FLVCR2: variants seen among roughly 807,000 people sequenced by gnomAD.
The protein encoded by FLVCR2 is choline/ethanolamine transporter FLVCR2.
Under a neutral mutation model 48.9 loss-of-function variants are expected in FLVCR2, and 38 were observed. That is an observed-to-expected ratio of 0.78 (90% CI 0.60 to 1.02). The LOEUF is 1.02. Among genes scored for constraint, FLVCR2 ranks in the 50% least tolerant of loss-of-function variants. The pLI, the probability that FLVCR2 is intolerant of heterozygous loss-of-function variation, is 0.00. For synonymous variants in FLVCR2, 255 were observed against 257.0 expected, an observed-to-expected ratio of 0.99 and a Z score of 0.07; for missense variants, 664 against 663.3, an observed-to-expected ratio of 1.00 and a Z score of -0.01.
intron 6 of FLVCR2, 87 bp from the exon 7 acceptor site, chr14:75,640,868 A>T: frequency 1.1e-6 from 1 of 903,950 alleles, no homozygotes; most frequent in Non-Finnish European, 1.9e-6. Flanking sequence ...CAAAACAGCA[A>T]AGGGAGTCCT....
intron 1 of FLVCR2, chr14:75,605,625 G>A (rs1363430298): frequency 6.5e-7 from 1 of 1,536,062 alleles, no homozygotes; most frequent in East Asian, 2.4e-5. Context: ...GAGACAGGAG[G>A]TGAGGATAGA....
At chr14:75,640,033 G>A (rs1890268264) in intron 6 of FLVCR2, among the ~76,000 whole-genome samples, 1 of 152,136 alleles carries the variant, frequency 6.6e-6, no homozygotes, top group African/African-American at 2.4e-5. Context: ...TCCAAGGCAG[G>A]CAGATCACAA....
intron 1 of FLVCR2, among the ~76,000 whole-genome samples, chr14:75,607,515 A>G (rs1427270423): frequency 1.3e-5 from 2 of 152,158 alleles, no homozygotes; most frequent in African/African-American, 4.8e-5. Flanking sequence ...TTCCATGGGA[A>G]GAGAGCAGGG....
At chr14:75,583,712 G>T (rs962386583) in intron 1 of FLVCR2, among the ~76,000 whole-genome samples, 3 of 152,192 alleles carry the variant, frequency 2.0e-5, no homozygotes, top group Admixed American at 6.5e-5. Flanking sequence ...TGTTGTCCAA[G>T]TTGGCACCAG....
intron 1 of FLVCR2, among the ~76,000 whole-genome samples, chr14:75,610,579 G>C (rs1889416613): frequency 6.6e-6 from 1 of 152,126 alleles, no homozygotes; most frequent in Non-Finnish European, 1.5e-5. Flanking sequence ...CCACAAAGAT[G>C]AGGAGGAAAC....
intron 1 of FLVCR2, among the ~76,000 whole-genome samples, chr14:75,620,667 A>C (rs1177753625): frequency 1.3e-5 from 2 of 152,250 alleles, no homozygotes; most frequent in Non-Finnish European, 2.9e-5. Flanking sequence ...TATCTAGCAG[A>C]GTACGTTTTA....
At chr14:75,587,806 A>G (rs1888787196) in intron 1 of FLVCR2, among the ~76,000 whole-genome samples, 1 of 152,010 alleles carries the variant, frequency 6.6e-6, no homozygotes, top group Non-Finnish European at 1.5e-5. Context: ...TCTAAAAAAG[A>G]TATTCGAGGC....
chr14:75,638,424 C>T (rs560136934), intron 5 of FLVCR2, among the ~76,000 whole-genome samples: 10 of 151,584 alleles, frequency 6.6e-5, no homozygotes, highest in South Asian at 4.2e-4. Context: ...GCGACAAGAG[C>T]GAAACTCCAT....
chr14:75,639,323 T>A, intron 5 of FLVCR2, 29 bp from the exon 6 acceptor site: 1 of 1,405,338 alleles, frequency 7.1e-7, no homozygotes, highest in Non-Finnish European at 1.0e-6. Flanking sequence ...CAGAAGTGTT[T>A]GATTCAATTT....
chr14:75,640,824 A>G, intron 6 of FLVCR2, 131 bp from the exon 7 acceptor site: 1 of 728,316 alleles, frequency 1.4e-6, no homozygotes, highest in Non-Finnish European at 2.5e-6. Flanking sequence ...TGCCCAGATC[A>G]TTAGAGGGCC....
Position 75,578,694 on chromosome 14 carries a change from C to T in FLVCR2, c.-279C>T, listed in dbSNP as rs941652446. The T allele has an allele frequency of 1.5e-5, 8 of 549,894 alleles. No homozygotes were observed. Among genetic ancestry groups the T allele is most frequent in the African/African-American group, 1.3e-4 (7 of 52,622 alleles). The allele number at this position is 549,894 out of a possible 1,614,324, so 34.1% of individuals were successfully genotyped here. ...ACAAGGAACGCCTCGTGGGGAGACC[C>T]AAGGCAGGAGCGGTCCGGAGCCGGC... On this transcript the variant is annotated 5_prime_UTR_variant, in exon 1 of 10. Transcript: ENST00000238667.
chr14:75,608,167 C>A (rs1393651128), intron 1 of FLVCR2, among the ~76,000 whole-genome samples: 1 of 152,204 alleles, frequency 6.6e-6, no homozygotes, highest in Non-Finnish European at 1.5e-5. Context: ...GGGCCATGCC[C>A]TCCATGTAGA....
Position 75,639,393 on chromosome 14 carries a change from T to C in FLVCR2, c.1166T>C (p.Met389Thr), listed in dbSNP as rs1376795690. The C allele has an allele frequency of 1.9e-6, 3 of 1,613,972 alleles. No individual in the cohort carries two copies. The highest frequency in any genetic ancestry group is 2.5e-6 in the Non-Finnish European group (3 of 1,179,926). Residue 389 changes from methionine to threonine, a missense_variant, in exon 6 of 10, where the codon ATG becomes ACG. Transcript: ENST00000238667. ...LVVYIMTLVG[M>T]VVYTFTLNLG... ...GTCTATATCATGACACTGGTGGGCA[T>C]GGTGGTGTACACGTTTACCTTGAAC...
chr14:75,621,871 A>G (rs1221217035), intron 1 of FLVCR2, among the ~76,000 whole-genome samples: 1 of 152,232 alleles, frequency 6.6e-6, no homozygotes, highest in Non-Finnish European at 1.5e-5. Context: ...AGGCATTGAT[A>G]GTGAGGGTGG....
chr14:75,623,728 G>A (rs1889819495), intron 2 of FLVCR2, among the ~76,000 whole-genome samples: 1 of 152,016 alleles, frequency 6.6e-6, no homozygotes. Flanking sequence ...GAGGTCCAGT[G>A]ATTTCAGCCT....
chr14:75,638,646 G>GT (rs1250204669), intron 5 of FLVCR2, among the ~76,000 whole-genome samples: 1 of 152,098 alleles, frequency 6.6e-6, no homozygotes. Context: ...TGTTTGTCCT[G>GT]TTTTTTCTTT....
Position 75,634,955 on chromosome 14 carries a change from G to T in FLVCR2, c.1066G>T (p.Ala356Ser). Reference protein sequence around the residue: ...AGRIGLTIVIAGMLGAVISGI... With the variant: ...AGRIGLTIVISGMLGAVISGI... ...AAGAATTGGCCTGACGATCGTCATT[G>T]CAGGAATGCTTGGGGCTGTGATCTC... The change falls in exon 5 of 10, where the codon GCA (alanine) becomes TCA (serine). Residue 356 changes from alanine (A) to serine (S), a missense_variant. Physicochemically the swap from Ala to Ser is moderately conservative, Grantham distance 99. Transcript: ENST00000238667. The T allele has an allele frequency of 6.2e-7, 1 of 1,614,092 alleles. No individual in the cohort carries two copies. The highest frequency in any genetic ancestry group is 8.5e-7 in the Non-Finnish European group (1 of 1,179,968).
intron 1 of FLVCR2, chr14:75,604,110 AG>A (rs1271332376): frequency 6.6e-6 from 1 of 152,186 alleles, no homozygotes; most frequent in Non-Finnish European, 1.5e-5. Context: ...ATGTGGAAAA[AG>A]CTACTGAATC....
chr14:75,622,650 T>C (rs1889794620), intron 2 of FLVCR2, among the ~76,000 whole-genome samples: 1 of 152,142 alleles, frequency 6.6e-6, no homozygotes, highest in Non-Finnish European at 1.5e-5. Flanking sequence ...AGGGAAGTTA[T>C]ATAAACTGTT....
Sources: gnomAD v4.1 joint callset for allele counts (sites outside exome capture counted in the v4.1 genomes callset) on GRCh38, gnomAD v4.1.1 for gene constraint, MANE v1.5 for transcripts, NCBI Gene and HGNC (gene_info 2026-07-23, HGNC 2026-07-21) for gene names.